SP110: variants seen among roughly 807,000 people sequenced by gnomAD.
SP110 encodes SP110 nuclear body protein, also known as interferon-induced protein 41, 30kD.
A neutral mutation model predicts 92.7 loss-of-function variants in SP110; 62 were observed. The observed-to-expected ratio is 0.67, with a 90% CI of 0.55 to 0.83. The LOEUF is 0.83. Among genes scored for constraint, SP110 ranks in the 40% least tolerant of loss-of-function variants. The probability of loss-of-function intolerance (pLI) is 0.00; values close to 1 mark genes in which losing one functional copy is unlikely to be tolerated. For missense variants in SP110, 793 were observed against 863.9 expected, an observed-to-expected ratio of 0.92 and a Z score of 1.03; for synonymous variants, 273 against 305.3, an observed-to-expected ratio of 0.89 and a Z score of 1.10.
At chr2:230,175,901 G>T (rs776887234) in intron 14 of SP110, among the ~76,000 whole-genome samples, 1 of 149,560 alleles carries the variant, frequency 6.7e-6, no homozygotes, top group South Asian at 2.1e-4. Flanking sequence ...TACTGTTCCT[G>T]TCTATTTCAA....
intron 14 of SP110, chr2:230,173,195 T>G: frequency 2.0e-6 from 1 of 491,856 alleles, no homozygotes; most frequent in Non-Finnish European, 3.9e-6. Context: ...TGGCTGTGGC[T>G]TGCCAACAGG....
upstream of SP110, among the ~76,000 whole-genome samples, chr2:230,223,517 T>TTAGCCAGA (rs200500627): frequency 8.5e-3 from 1,293 of 152,326 alleles, 8 homozygotes; most frequent in Non-Finnish European, 0.014. Context: ...TTTGCCTGAG[T>TTAGCCAGA]TAGCCAGAGT....
At chr2:230,210,698 A>T (rs2044371197) in intron 6 of SP110, among the ~76,000 whole-genome samples, 4 of 152,228 alleles carry the variant, frequency 2.6e-5, no homozygotes, top group Admixed American at 2.6e-4. Flanking sequence ...TGAAGCCATA[A>T]CAAATAAAGG....
chr2:230,204,490 C>G (rs2043537447), intron 8 of SP110, among the ~76,000 whole-genome samples: 1 of 152,002 alleles, frequency 6.6e-6, no homozygotes, highest in South Asian at 2.1e-4. Context: ...GTATCTACAC[C>G]ACGTGGTGCC....
chr2:230,200,185 G>A (rs1326354932), intron 10 of SP110, among the ~76,000 whole-genome samples: 2 of 152,042 alleles, frequency 1.3e-5, no homozygotes, highest in African/African-American at 4.8e-5. Context: ...TTAGATATTT[G>A]TTGTTTGAAA....
chr2:230,193,500 T>G (rs1467514538), intron 10 of SP110, among the ~76,000 whole-genome samples: 1 of 152,210 alleles, frequency 6.6e-6, no homozygotes, highest in Non-Finnish European at 1.5e-5. Context: ...TATCAATCTT[T>G]CGTTTCAAGA....
chr2:230,218,302 T>C (rs1319676729), intron 1 of SP110, among the ~76,000 whole-genome samples: 1 of 152,212 alleles, frequency 6.6e-6, no homozygotes, highest in African/African-American at 2.4e-5. Context: ...CACCCTAGTC[T>C]CTTTCTCCTC....
At chr2:230,172,984 C>T (rs1234323247) in intron 14 of SP110, 25 bp from the exon 15 acceptor site, 2 of 1,484,046 alleles carry the variant, frequency 1.3e-6, no homozygotes, top group Non-Finnish European at 1.9e-6. Flanking sequence ...AACGTGGGCA[C>T]CGCTAGGACC....
chr2:230,220,713 T>C (rs977864180), upstream of SP110, among the ~76,000 whole-genome samples: 5 of 152,150 alleles, frequency 3.3e-5, no homozygotes, highest in African/African-American at 1.2e-4. Context: ...TGAAAAATCC[T>C]AAACTATTGG....
intron 3 of SP110, chr2:230,213,999 G>A (rs1184422800): frequency 6.6e-6 from 1 of 152,236 alleles, no homozygotes; most frequent in African/African-American, 2.4e-5. Flanking sequence ...GAGCAAAGGA[G>A]GAACTGTCAA....
chr2:230,211,420 G>A lies in SP110; in HGVS notation c.751+50C>T, dbSNP rs2148916822. On this transcript the variant is annotated intron_variant, in intron 6 of 18. Transcript: ENST00000258381. The surrounding 1 kb of genome is among the most constrained non-coding windows in gnomAD (Gnocchi z 4.2). The stretch of plus-strand genomic sequence containing the variant: ...AAGATCCGAATGGCTTTTCCTCTTA[G>A]TAAACACAGAAACAAAGGCAAGCTT... The A allele has an allele frequency of 8.5e-7, 1 of 1,183,020 alleles. No individual in the cohort carries two copies. Among genetic ancestry groups the A allele is most frequent in the East Asian group, 2.3e-5 (1 of 42,908 alleles). 73.3% of individuals were successfully genotyped at this position (1,183,020 alleles called of 1,614,324 possible).
At chr2:230,212,230 T>G (rs770174765) in intron 5 of SP110, 117 bp downstream of exon 5, 4 of 774,868 alleles carry the variant, frequency 5.2e-6, no homozygotes, top group Non-Finnish European at 9.0e-6. Context: ...TTTCTTTTCC[T>G]TTGTATTGCT....
chr2:230,179,772 C>T (rs150229491), intron 12 of SP110, among the ~76,000 whole-genome samples: 68 of 151,822 alleles, frequency 4.5e-4, no homozygotes, highest in African/African-American at 1.6e-3. Context: ...ACACAAATGT[C>T]CCAAACACAT....
Position 230,186,051 on chromosome 2 carries a change from C to T in SP110, c.1222G>A (p.Val408Ile), listed in dbSNP as rs200704188. 6.2e-7 allele frequency: 1 copy of T among 1,614,116 alleles called. No individual in the cohort carries two copies. Among genetic ancestry groups the T allele is most frequent in the South Asian group, 1.1e-5 (1 of 91,086 alleles). The change falls in exon 11 of 19, where the codon GTC becomes ATC. Residue 408 changes from valine (V) to isoleucine (I), a missense_variant. By Grantham distance (29) the Val-to-Ile change is conservative (BLOSUM62 3). Transcript: ENST00000258381. ...CTTGCCTTTTGGACCCTCATCATGA[C>T]CTCTGAGTTCCAGGTTGAGTCGTCT... ...RKDDSTWNSE[V>I]MMRVQKARTK...
chr2:230,223,970 T>C (rs531609086), upstream of SP110, among the ~76,000 whole-genome samples: 2 of 152,212 alleles, frequency 1.3e-5, no homozygotes, highest in East Asian at 1.9e-4. Context: ...AAGGAAGACA[T>C]TGGGAACCAG....
intron 10 of SP110, among the ~76,000 whole-genome samples, chr2:230,196,940 C>T (rs1306201329): frequency 3.9e-5 from 6 of 152,112 alleles, no homozygotes; most frequent in Non-Finnish European, 7.4e-5. Flanking sequence ...TCCAGTCTAT[C>T]GTTGTTGGAC....
rs148356804 is a variant in SP110, at chr2:230,213,005, C to T, written c.339G>A (p.Gln113=). The part of the protein sequence containing the change: ...FKRVGASYEW[Q]SRDTPILLEA... Reference sequence around the variant, plus strand: ...CAAGTAGGATTGGTGTGTCTCTGCTCTGCCATTCATAGGAAGCACCAACTG... The same window carrying T: ...CAAGTAGGATTGGTGTGTCTCTGCTTTGCCATTCATAGGAAGCACCAACTG... The change falls in exon 4 of 19, where the codon CAG becomes CAA. Residue 113 remains glutamine (Q), a synonymous_variant. Transcript: ENST00000258381. 43 of 1,614,078 alleles carry T rather than the reference C, an allele frequency of 2.7e-5. No individual in the cohort carries two copies. The African/African-American group carries it at 3.6e-4, about 14-fold the overall frequency.
rs757546093 is a variant in SP110 at position 230,212,697 on chromosome 2, G to A, written c.583+64C>T. 3.2e-4 allele frequency: 505 copies of A among 1,591,070 alleles called. 1 individual carries two copies. Among genetic ancestry groups the A allele is most frequent in the Non-Finnish European group, 4.1e-4 (476 of 1,160,690 alleles). On this transcript the variant is annotated intron_variant, in intron 4 of 18. Coordinates refer to ENST00000258381, the MANE Select transcript of SP110 (RefSeq NM_080424.4). ...TAAAAGTCAAGATGCTGGGATTGGCGGCAACATGGCACAGGCACCTTAGGC... is the reference window on the plus strand; with the variant it reads ...TAAAAGTCAAGATGCTGGGATTGGCAGCAACATGGCACAGGCACCTTAGGC...
At chr2:230,190,196 C>T (rs1019258780) in intron 10 of SP110, among the ~76,000 whole-genome samples, 13 of 152,212 alleles carry the variant, frequency 8.5e-5, no homozygotes, top group African/African-American at 2.9e-4. Flanking sequence ...CCTATTTCTC[C>T]ACAGCCTCAC....
Sources: allele counts gnomAD v4.1 joint callset (sites outside exome capture counted in the v4.1 genomes callset), GRCh38; gene constraint gnomAD v4.1.1; non-coding constraint Gnocchi (gnomAD v3.1); transcripts MANE v1.5; gene names NCBI Gene and HGNC (gene_info 2026-07-23, HGNC 2026-07-21).